The following FAM193A variants were observed in gnomAD, a reference collection of about 807,000 sequenced individuals.
The protein encoded by FAM193A is protein FAM193A.
In FAM193A, 22 loss-of-function variants were observed where a neutral mutation model predicts 126.5. The ratio of observed to expected loss-of-function variants is 0.17; its 90% CI spans 0.12 to 0.25. The LOEUF (loss-of-function observed/expected upper bound fraction) is 0.25. Ranked by LOEUF, FAM193A falls within the 10% of genes least tolerant of loss-of-function variation. The probability of loss-of-function intolerance (pLI) is 1.00; values close to 1 mark genes in which losing one functional copy is unlikely to be tolerated. For missense variants in FAM193A, 1,675 were observed against 1,672.8 expected (o/e 1.00, Z -0.02); for synonymous variants, 761 against 646.8 (o/e 1.18, Z -2.68).
chr4:2,649,374 G>C (rs111455170), intron 7 of FAM193A, among the ~76,000 whole-genome samples: 6,402 of 94,312 alleles, frequency 0.068, 445 homozygotes, highest in African/African-American at 0.2. Context: ...GACCCTGTCT[G>C]AAAAAAAAAA....
chr4:2,681,342 T>G (rs1340889363), intron 13 of FAM193A, among the ~76,000 whole-genome samples: 2 of 152,206 alleles, frequency 1.3e-5, no homozygotes, highest in African/African-American at 4.8e-5. Context: ...TCTATTTCAT[T>G]GATCATTAAT....
chr4:2,559,668 T>G (rs1478878604), intron 1 of FAM193A, among the ~76,000 whole-genome samples: 4 of 152,224 alleles, frequency 2.6e-5, no homozygotes, highest in Admixed American at 2.6e-4. Flanking sequence ...GAACACACTC[T>G]GCTGCTTCCT....
At chr4:2,556,719 G>T (rs1738283375) in intron 1 of FAM193A, among the ~76,000 whole-genome samples, 2 of 152,156 alleles carry the variant, frequency 1.3e-5, no homozygotes, top group Non-Finnish European at 2.9e-5. Flanking sequence ...CTACCTTGGA[G>T]TAATTCCAAT....
intron 3 of FAM193A, among the ~76,000 whole-genome samples, chr4:2,625,921 G>A (rs1031777562): frequency 6.6e-6 from 1 of 151,898 alleles, no homozygotes; most frequent in African/African-American, 2.4e-5. Context: ...ATGGGGCTTC[G>A]CCATGTTGCC....
rs1233569474 is a variant in FAM193A at position 2,700,243 on chromosome 4, C to T, written c.4071C>T (p.Pro1357=). 3 of 1,614,014 alleles carry T rather than the reference C, an allele frequency of 1.9e-6. No individual in the cohort carries two copies. The South Asian group carries it at 3.3e-5, about 18-fold the overall frequency. ...AGCCAGCGAGGAGGCCCACAGAGCC[C>T]CCCAAGGCCACAGAGGGGCAGTCCA... ...SSEPARRPTE[P]PKATEGQSKP... The change falls in exon 19 of 21, where the codon CCC becomes CCT. Residue 1357 remains proline, a synonymous_variant. Transcript: ENST00000637812.
Position 2,625,242 on chromosome 4 carries a change from C to A in FAM193A, c.502-20C>A. ...AACATTTTAACATAACTGGTCTATT[C>A]TGTTCTCTTTTTAAAACAGAGCCAA... On this transcript the variant is annotated intron_variant, in intron 2 of 20. Transcript: ENST00000637812. The A allele has an allele frequency of 1.4e-6, 1 of 696,140 alleles. No individual in the cohort carries two copies. Among genetic ancestry groups the A allele is most frequent in the Non-Finnish European group, 2.6e-6 (1 of 380,624 alleles). The allele number at this position is 696,140 out of a possible 1,614,324, so 43.1% of individuals were successfully genotyped here. A position where few individuals can be genotyped will look rare whatever the true frequency, so the allele number is the denominator to read the frequency against.
At chr4:2,629,231 AG>A (rs1743308527) in intron 4 of FAM193A, among the ~76,000 whole-genome samples, 1 of 151,652 alleles carries the variant, frequency 6.6e-6, no homozygotes, top group Admixed American at 6.6e-5. Flanking sequence ...AAAAAAAAAA[AG>A]AGATCTAAGT....
At chr4:2,539,335 C>G (rs1737079876) in intron 1 of FAM193A, among the ~76,000 whole-genome samples, 1 of 152,144 alleles carries the variant, frequency 6.6e-6, no homozygotes, top group Non-Finnish European at 1.5e-5. Flanking sequence ...TTACTAATTA[C>G]TAAGGGCACA....
intron 2 of FAM193A, among the ~76,000 whole-genome samples, chr4:2,597,383 T>C (rs967103991): frequency 6.6e-6 from 1 of 152,216 alleles, no homozygotes; most frequent in Non-Finnish European, 1.5e-5. Flanking sequence ...TCTTTGCTTT[T>C]TGTGGTGGTT....
chr4:2,716,139 C>T (rs1272707480), intron 20 of FAM193A, 35 bp downstream of exon 20: 7 of 1,341,734 alleles, frequency 5.2e-6, no homozygotes, highest in Non-Finnish European at 6.4e-6. Context: ...ACCGTGGTGA[C>T]TGTGTGCTTG....
intron 5 of FAM193A, among the ~76,000 whole-genome samples, chr4:2,632,624 C>T (rs139809377): frequency 1.3e-5 from 2 of 148,902 alleles, no homozygotes; most frequent in African/African-American, 2.5e-5. Context: ...AGCTTCACTG[C>T]GCCAAGCCAT....
At chr4:2,671,600 G>A (rs1170770486) in intron 12 of FAM193A, among the ~76,000 whole-genome samples, 1 of 152,158 alleles carries the variant, frequency 6.6e-6, no homozygotes, top group African/African-American at 2.4e-5. Flanking sequence ...ATTTTCCTTG[G>A]GCTGATTTCC....
intron 20 of FAM193A, among the ~76,000 whole-genome samples, chr4:2,718,540 A>T (rs1232290876): frequency 6.6e-6 from 1 of 152,102 alleles, no homozygotes; most frequent in East Asian, 1.9e-4. Context: ...CCTGGGCAAC[A>T]TGGTGAAATC....
chr4:2,702,382 G>A (rs570845667), intron 19 of FAM193A, among the ~76,000 whole-genome samples: 3 of 152,028 alleles, frequency 2.0e-5, no homozygotes, highest in Non-Finnish European at 4.4e-5. Flanking sequence ...GGCTCATCTC[G>A]TGTCTTCTCT....
At position 2,689,550 on chromosome 4, in the gene FAM193A, G is replaced by C. The variant is rs765383483; in HGVS notation, c.2376G>C (p.Gln792His). 18 of 1,546,432 alleles carry C rather than the reference G, an allele frequency of 1.2e-5. No individual in the cohort carries two copies. The highest frequency in any genetic ancestry group is 1.4e-5 in the African/African-American group (1 of 70,260). ...TTCAGAATCACACAAATAAGCATCA[G>C]GTATTCAATGCATCTCTTCAAGACC... ...APVQNHTNKH[Q>H]VFNASLQDHI... The change falls in exon 14 of 21, where the codon CAG becomes CAC. Residue 792 changes from glutamine to histidine, a missense_variant. By Grantham distance (24) the Gln-to-His change is conservative. Transcript: ENST00000637812.
rs1169154817 is a variant in FAM193A at position 2,719,798 on chromosome 4, T to C, written c.4454+3694T>C. 4.8e-3 allele frequency among the ~76,000 whole-genome samples: 544 copies of C among 113,978 alleles called. 1 individual carries two copies. The highest frequency in any genetic ancestry group is 0.018 in the African/African-American group (475 of 26,460). 74.8% of individuals were successfully genotyped at this position (113,978 alleles called of 152,430 possible). A position where few individuals can be genotyped will look rare whatever the true frequency, so the allele number is the denominator to read the frequency against. On this transcript the variant is annotated intron_variant, in intron 20 of 20. Transcript: ENST00000637812. ...TCCCTCCCTCCCTCCCTCCCTCCCT[T>C]CCTTCCTTCTGACAGGGTCTCACTC... is the stretch of plus-strand genomic sequence containing the variant.
chr4:2,642,087 G>A (rs1436081655), intron 6 of FAM193A, among the ~76,000 whole-genome samples: 12 of 139,780 alleles, frequency 8.6e-5, no homozygotes, highest in Non-Finnish European at 1.7e-4. Context: ...TCAGGAGATC[G>A]AAACCATCCT....
At chr4:2,655,160 G>A (rs1205010838) in intron 7 of FAM193A, 1 of 680,770 alleles carries the variant, frequency 1.5e-6, no homozygotes, top group Non-Finnish European at 2.7e-6. Context: ...TTTGATGCTT[G>A]CCATACAGAC....
intron 5 of FAM193A, 23 bp from the exon 6 acceptor site, chr4:2,639,712 A>C (rs191688325): frequency 1.2e-6 from 2 of 1,600,592 alleles, no homozygotes; most frequent in South Asian, 2.2e-5. Flanking sequence ...TCTTCTGTTT[A>C]TCTTTTACTT....
Sources: allele counts gnomAD v4.1 joint callset (sites outside exome capture counted in the v4.1 genomes callset), GRCh38; gene constraint gnomAD v4.1.1; transcripts MANE v1.5; gene names NCBI Gene and HGNC (gene_info 2026-07-23, HGNC 2026-07-21).